NF1: variants seen among roughly 807,000 people sequenced by gnomAD.
The protein encoded by NF1 is neurofibromin 1.
NF1 carries 122 observed loss-of-function variants against 325.7 expected under a neutral mutation model. The observed-to-expected ratio is 0.37, with a 90% CI of 0.32 to 0.44. NF1 has a LOEUF of 0.44. NF1 is among the 20% of genes least tolerant of loss of function. The pLI is 1.00. For synonymous variants in NF1, 1,091 were observed against 1,186.0 expected, an observed-to-expected ratio of 0.92 and a Z score of 1.65; for missense variants, 2,140 against 3,415.4, an observed-to-expected ratio of 0.63 and a Z score of 9.31.
intron 36 of NF1, among the ~76,000 whole-genome samples, chr17:31,307,495 C>T (rs963673807): frequency 1.3e-5 from 2 of 152,164 alleles, no homozygotes; most frequent in Non-Finnish European, 2.9e-5. Flanking sequence ...GAAAATAAGG[C>T]ACATATGAAA....
At position 31,263,424 on chromosome 17, in the gene NF1, C is replaced by T. The variant is rs17886776; in HGVS notation, c.4724+1567C>T. On this transcript the variant is annotated intron_variant, in intron 35 of 57. Transcript: ENST00000358273. ...CCTAGGTGACAGAATGAGACCTTGTCTATAAATAAAGAAATAAGTAAAAAT... is the reference window on the plus strand; with the variant it reads ...CCTAGGTGACAGAATGAGACCTTGTTTATAAATAAAGAAATAAGTAAAAAT... Among the ~76,000 whole-genome samples the T allele has an allele frequency of 7.9e-3, 1,192 of 150,478 alleles. 21 individuals carry two copies. The highest frequency in any genetic ancestry group is 0.028 in the African/African-American group (1,143 of 40,950).
chr17:31,230,450 A>G, intron 23 of NF1, 68 bp downstream of exon 23: 1 of 1,574,994 alleles, frequency 6.3e-7, no homozygotes, highest in South Asian at 1.1e-5. Context: ...ACAGAAAAAG[A>G]GTAGATATGC....
intron 1 of NF1, among the ~76,000 whole-genome samples, chr17:31,117,037 A>G (rs1015469823): frequency 1.3e-5 from 2 of 151,892 alleles, no homozygotes; most frequent in Admixed American, 6.6e-5. Context: ...GCTGGAGTGC[A>G]GTGGTGCTAT....
At chr17:31,351,241 A>G (rs925033914) in intron 50 of NF1, among the ~76,000 whole-genome samples, 2 of 152,090 alleles carry the variant, frequency 1.3e-5, no homozygotes, top group African/African-American at 4.8e-5. Flanking sequence ...AATCAGTGCA[A>G]TAAGTTCAAG....
chr17:31,109,991 G>A (rs1913263022), intron 1 of NF1, among the ~76,000 whole-genome samples: 1 of 152,118 alleles, frequency 6.6e-6, no homozygotes, highest in South Asian at 2.1e-4. Flanking sequence ...GTGCAGGCAC[G>A]CTAGTTTCTT....
At chr17:31,369,340 C>T (rs968426468) in intron 57 of NF1, among the ~76,000 whole-genome samples, 18 of 152,202 alleles carry the variant, frequency 1.2e-4, no homozygotes, top group Admixed American at 2.0e-4. Context: ...TGGCCAATAA[C>T]ACCTTCTAGT....
intron 29 of NF1, among the ~76,000 whole-genome samples, chr17:31,240,337 T>C (rs2151442305): frequency 6.6e-6 from 1 of 152,286 alleles, no homozygotes; most frequent in African/African-American, 2.4e-5. Flanking sequence ...CACGATGTTG[T>C]ATTTCTTTGC....
At position 31,327,510 on chromosome 17, in the gene NF1, T is replaced by C. The variant is rs779104728; in HGVS notation, c.5280T>C (p.Thr1760=). ...CCACCACTTTCCAGGTTGGTTCTAC[T>C]GCTGTCCAAGTAACTTCAGCAGAGC... ...DTKVSIKVGS[T]AVQVTSAERT... is the part of the protein sequence containing the mutation. Residue 1760 remains threonine (T), a synonymous_variant, in exon 38 of 58, where the codon ACT becomes ACC. Transcript: ENST00000358273. 4 of 1,613,558 alleles carry C rather than the reference T, an allele frequency of 2.5e-6. No homozygotes were observed. The highest frequency in any genetic ancestry group is 1.6e-4 in the Middle Eastern group (1 of 6,062).
intron 5 of NF1, among the ~76,000 whole-genome samples, chr17:31,178,996 A>C (rs1447290056): frequency 6.6e-6 from 1 of 152,226 alleles, no homozygotes; most frequent in African/African-American, 2.4e-5. Context: ...AGTTGAACTC[A>C]GCCCTGCACC....
At chr17:31,357,429 C>A (rs2151583659) in intron 54 of NF1, 60 bp downstream of exon 54, 1 of 1,325,388 alleles carries the variant, frequency 7.5e-7, no homozygotes, top group Non-Finnish European at 1.1e-6. Flanking sequence ...TAAATGCTTA[C>A]CCAGTAATGT....
intron 36 of NF1, among the ~76,000 whole-genome samples, chr17:31,311,306 A>T (rs1400545723): frequency 6.6e-6 from 1 of 152,156 alleles, no homozygotes; most frequent in Non-Finnish European, 1.5e-5. Flanking sequence ...TCCAGCATTT[A>T]AAATTGATGC....
intron 5 of NF1, 93 bp downstream of exon 5, chr17:31,170,090 A>G (rs1260463587): frequency 1.3e-6 from 1 of 790,202 alleles, no homozygotes; most frequent in East Asian, 2.7e-5. Context: ...GCTGAACTAG[A>G]ACACCAAACT....
At chr17:31,127,141 TCTCTC>T (rs1914951727) in intron 1 of NF1, among the ~76,000 whole-genome samples, 1 of 151,652 alleles carries the variant, frequency 6.6e-6, no homozygotes, top group Non-Finnish European at 1.5e-5. Flanking sequence ...TCAGTTCGGC[TCTCTC>T]CTCTAGTGCC....
intron 36 of NF1, among the ~76,000 whole-genome samples, chr17:31,311,460 A>T (rs1487618432): frequency 6.6e-6 from 1 of 152,206 alleles, no homozygotes; most frequent in Non-Finnish European, 1.5e-5. Context: ...AATATAATAG[A>T]TTAAAATTTA....
chr17:31,334,667 T>C, intron 39 of NF1, 171 bp from the exon 40 acceptor site: 1 of 606,706 alleles, frequency 1.6e-6, no homozygotes, highest in Non-Finnish European at 2.9e-6. Context: ...CTTCAAGGAC[T>C]GTTCTTTCTT....
chr17:31,188,717 C>G (rs1375429204), intron 8 of NF1, among the ~76,000 whole-genome samples: 1 of 152,186 alleles, frequency 6.6e-6, no homozygotes, highest in Non-Finnish European at 1.5e-5. Context: ...CTTAATCTGG[C>G]TGGCTACCAT....
intron 30 of NF1, 64 bp from the exon 31 acceptor site, chr17:31,252,874 C>T: frequency 1.5e-6 from 2 of 1,304,344 alleles, no homozygotes; most frequent in South Asian, 1.2e-5. Context: ...TACAAGCCAA[C>T]ATTGTTTTTG....
intron 12 of NF1, among the ~76,000 whole-genome samples, chr17:31,207,649 C>CT (rs1567838995): frequency 6.6e-6 from 1 of 151,736 alleles, no homozygotes; most frequent in Non-Finnish European, 1.5e-5. Flanking sequence ...AAGTACTTCA[C>CT]TTTTTTTTAA....
chr17:31,305,747 G>T, intron 36 of NF1: 1 of 835,632 alleles, frequency 1.2e-6, no homozygotes, highest in Non-Finnish European at 1.8e-6. Context: ...TTCCTAATTA[G>T]TAGTAGTTGA....
Sources: gnomAD v4.1 joint callset for allele counts (sites outside exome capture counted in the v4.1 genomes callset) on GRCh38, gnomAD v4.1.1 for gene constraint, MANE v1.5 for transcripts, NCBI Gene and HGNC (gene_info 2026-07-23, HGNC 2026-07-21) for gene names.